The following HEATR5B variants were observed in gnomAD, a reference collection of about 807,000 sequenced individuals.
HEATR5B encodes the protein HEAT repeat-containing protein 5B.
In HEATR5B, 156 loss-of-function variants were observed where a neutral mutation model predicts 224.1. The ratio of observed to expected loss-of-function variants is 0.70; its 90% CI spans 0.61 to 0.80. The LOEUF is 0.80. Ranked by LOEUF, HEATR5B falls within the 30% of genes least tolerant of loss-of-function variation. HEATR5B has a pLI of 0.00. For missense variants in HEATR5B, 2,323 were observed against 2,535.5 expected, an observed-to-expected ratio of 0.92 and a Z score of 1.80; for synonymous variants, 1,027 against 893.0, an observed-to-expected ratio of 1.15 and a Z score of -2.68.
intron 24 of HEATR5B, among the ~76,000 whole-genome samples, chr2:37,027,540 T>C (rs888003019): frequency 6.6e-6 from 1 of 152,228 alleles, no homozygotes; most frequent in African/African-American, 2.4e-5. Flanking sequence ...ATACTCTCCA[T>C]GGCTGGGGAC....
rs191283663 is a variant in HEATR5B at position 37,055,264 on chromosome 2, T to C, written c.2399+1176A>G. 2.9e-3 allele frequency among the ~76,000 whole-genome samples: 445 copies of C among 152,052 alleles called. 3 individuals are homozygous for C. The highest frequency in any genetic ancestry group is 1.0e-2 in the African/African-American group (415 of 41,560). On this transcript the variant is annotated intron_variant, in intron 16 of 35. Transcript: ENST00000233099. ...ATTATTTATTCACTTATCCTCCTAC[T>C]GTTGAATATTTATGTTATTTATTAT... is the stretch of plus-strand genomic sequence containing the variant.
At chr2:37,028,302 A>C (rs937637607) in intron 23 of HEATR5B, 128 bp from the exon 24 acceptor site, 4 of 555,928 alleles carry the variant, frequency 7.2e-6, no homozygotes, top group South Asian at 1.1e-4. Context: ...AAAACAGTAA[A>C]ACTAGCAGAA....
intron 18 of HEATR5B, 26 bp from the exon 19 acceptor site, chr2:37,041,318 A>G: frequency 6.2e-7 from 1 of 1,609,860 alleles, no homozygotes; most frequent in Non-Finnish European, 8.5e-7. Context: ...TGCTTCAAGC[A>G]CTAACTTTGC....
intron 10 of HEATR5B, among the ~76,000 whole-genome samples, chr2:37,063,370 T>C (rs1206413614): frequency 6.6e-6 from 1 of 152,106 alleles, no homozygotes; most frequent in Non-Finnish European, 1.5e-5. Context: ...ACTAGTCTAA[T>C]TAGAGCAACA....
intron 2 of HEATR5B, among the ~76,000 whole-genome samples, chr2:37,080,998 T>G (rs149430651): frequency 5.6e-4 from 85 of 152,322 alleles, no homozygotes; most frequent in African/African-American, 1.9e-3. Flanking sequence ...TATACACTCT[T>G]GTATTTATCA....
At chr2:36,994,571 T>C (rs907739576) in intron 33 of HEATR5B, among the ~76,000 whole-genome samples, 1 of 152,166 alleles carries the variant, frequency 6.6e-6, no homozygotes, top group African/African-American at 2.4e-5. Flanking sequence ...GTGTCTCCTA[T>C]GAACTCAGTT....
At chr2:37,052,728 C>T (rs1202096800) in intron 17 of HEATR5B, among the ~76,000 whole-genome samples, 1 of 152,130 alleles carries the variant, frequency 6.6e-6, no homozygotes, top group Non-Finnish European at 1.5e-5. Flanking sequence ...ACTGCAGCAG[C>T]CCATCTGATA....
At position 37,002,458 on chromosome 2, in the gene HEATR5B, A is replaced by G; in HGVS notation, c.5165T>C (p.Ile1722Thr). ...GAGATGTGGCATATGCCGTACTAAA[A>G]TGAACATCAGCAGCTCCATAGTTGC... ...VFATMELLMF[I>T]LVRHMPHLST... Residue 1722 changes from isoleucine to threonine, a missense_variant, in exon 32 of 36, where the codon ATT becomes ACT. This residue lies in a region of HEATR5B where 844 missense variants were observed against 812.9 expected (regional missense o/e 1.04). Transcript: ENST00000233099. 6.2e-7 allele frequency: 1 copy of G among 1,614,244 alleles called. No homozygotes were observed. Among genetic ancestry groups the G allele is most frequent in the Non-Finnish European group, 8.5e-7 (1 of 1,180,048 alleles).
intron 16 of HEATR5B, among the ~76,000 whole-genome samples, chr2:37,055,416 A>C (rs35118709): frequency 0.022 from 3,419 of 152,284 alleles, 55 homozygotes; most frequent in Non-Finnish European, 0.034. Context: ...AACCTTGGGT[A>C]AACCAAACTC....
At chr2:37,083,517 A>G in intron 1 of HEATR5B, 81 bp from the exon 2 acceptor site, 3 of 1,009,140 alleles carry the variant, frequency 3.0e-6, no homozygotes, top group Non-Finnish European at 4.4e-6. Flanking sequence ...ACTCACTAAG[A>G]AAAGTAGGAC....
chr2:37,002,423 C>A lies in HEATR5B; in HGVS notation c.5200G>T (p.Val1734Leu), dbSNP rs139897341. The A allele has an allele frequency of 1.2e-6, 2 of 1,614,082 alleles. No homozygotes were observed. The highest frequency in any genetic ancestry group is 1.7e-6 in the Non-Finnish European group (2 of 1,180,056). The stretch of plus-strand genomic sequence containing the variant: ...GCTATGTGACTTGGAGAGTCTGACA[C>A]CTTGGTACTGAGATGTGGCATATGC... ...VRHMPHLSTK[V>L]SDSPSHIATK... The change falls in exon 32 of 36, where the codon GTG becomes TTG. Residue 1734 changes from valine to leucine, a missense_variant. This residue lies in a region of HEATR5B where 844 missense variants were observed against 812.9 expected (regional missense o/e 1.04). Coordinates refer to ENST00000233099, the MANE Select transcript of HEATR5B (RefSeq NM_019024.3).
chr2:37,011,801 TCAC>T (rs943120570), intron 27 of HEATR5B, among the ~76,000 whole-genome samples: 2 of 152,322 alleles, frequency 1.3e-5, no homozygotes, highest in African/African-American at 4.8e-5. Flanking sequence ...ATTCATTTCT[TCAC>T]ATTATAAATA....
At chr2:37,012,319 A>G (rs138409731) in intron 27 of HEATR5B, among the ~76,000 whole-genome samples, 16 of 152,336 alleles carry the variant, frequency 1.1e-4, no homozygotes, top group Non-Finnish European at 2.2e-4. Context: ...CATAACAAAT[A>G]CCCTTGTAGC....
At position 37,082,052 on chromosome 2, in the gene HEATR5B, C is replaced by CTTTTTTT. The variant is rs61036576; in HGVS notation, c.126+1230_126+1236dup. Reference sequence around the variant, plus strand: ...ATCAGACATTTGAGGGAAGTATCTACTTTTTTTTTTTTTTTTTTTTTTTTT... The same window carrying CTTTTTTT: ...ATCAGACATTTGAGGGAAGTATCTACTTTTTTTTTTTTTTTTTTTTTTTTTTTTTTTT... On this transcript the variant is annotated intron_variant, in intron 2 of 35. Transcript: ENST00000233099. Among the ~76,000 whole-genome samples the CTTTTTTT allele has an allele frequency of 2.5e-4, 6 of 23,960 alleles. 1 individual carries two copies. Among genetic ancestry groups the CTTTTTTT allele is most frequent in the Admixed American group, 9.5e-4 (1 of 1,058 alleles). 15.7% of individuals were successfully genotyped at this position (23,960 alleles called of 152,430 possible). A position where few individuals can be genotyped will look rare whatever the true frequency, so the allele number is the denominator to read the frequency against.
chr2:36,993,796 C>A (rs746625635), intron 33 of HEATR5B, among the ~76,000 whole-genome samples: 1 of 151,046 alleles, frequency 6.6e-6, no homozygotes. Context: ...AGTATTCCTG[C>A]CAAGATGCAT....
rs981234897 is a variant in HEATR5B at position 37,032,549 on chromosome 2, A to G, written c.3361+80T>C. The G allele has an allele frequency of 4.2e-6, 5 of 1,197,382 alleles. No homozygotes were observed. The African/African-American group carries it at 6.1e-5, about 15-fold the overall frequency. The allele number at this position is 1,197,382 out of a possible 1,614,324, so 74.2% of individuals were successfully genotyped here. On this transcript the variant is annotated intron_variant, in intron 22 of 35. Coordinates refer to ENST00000233099, the MANE Select transcript of HEATR5B (RefSeq NM_019024.3). ...CATCTGGCCACATTGCAACAGAAAA[A>G]TGTTATTTGATAAATAGTACTTAAC... is the stretch of plus-strand genomic sequence containing the variant.
At chr2:37,026,142 G>T (rs777955238) in intron 24 of HEATR5B, among the ~76,000 whole-genome samples, 1 of 152,176 alleles carries the variant, frequency 6.6e-6, no homozygotes, top group Non-Finnish European at 1.5e-5. Flanking sequence ...GACATGTGAC[G>T]ACTGAAGAAG....
At chr2:37,034,482 G>A (rs1445896366) in intron 21 of HEATR5B, among the ~76,000 whole-genome samples, 14 of 144,082 alleles carry the variant, frequency 9.7e-5, no homozygotes, top group Admixed American at 4.1e-4. Context: ...GCGTAGTGGC[G>A]GGCGCCTGTA....
chr2:37,068,869 A>C lies in HEATR5B; in HGVS notation c.989T>G (p.Phe330Cys), dbSNP rs775450056. The C allele has an allele frequency of 6.2e-6, 10 of 1,614,196 alleles. No individual in the cohort carries two copies. In the Middle Eastern group the frequency reaches 4.9e-4, roughly 80 times the overall value. The change falls in exon 8 of 36, where the codon TTC becomes TGC. Residue 330 changes from phenylalanine to cysteine, a missense_variant. Phe to Cys is a radical substitution (Grantham distance 205). Transcript: ENST00000233099. ...GQWLERSFAT[F>C]LSHVLDLVSH... is the part of the protein sequence containing the mutation. ...AACCAGATCAAGTACATGGGACAGG[A>C]ACGTGGCAAAGCTGCGCTCCAACCA...
Sources: gnomAD v4.1 joint callset for allele counts (sites outside exome capture counted in the v4.1 genomes callset) on GRCh38, gnomAD v4.1.1 for gene constraint, gnomAD v4.1.1 regional missense constraint, MANE v1.5 for transcripts, NCBI Gene and HGNC (gene_info 2026-07-23, HGNC 2026-07-21) for gene names.